The following SVIL variants were observed in gnomAD, a reference collection of about 807,000 sequenced individuals.
SVIL encodes the protein archvillin.
In SVIL, 101 loss-of-function variants were observed where a neutral mutation model predicts 240.4. The ratio of observed to expected loss-of-function variants is 0.42; its 90% CI spans 0.36 to 0.50. The LOEUF (loss-of-function observed/expected upper bound fraction) is 0.50. SVIL is among the 20% of genes least tolerant of loss of function. The pLI, the probability that SVIL is intolerant of heterozygous loss-of-function variation, is 0.01. For synonymous variants in SVIL, 999 were observed against 1,100.0 expected, an observed-to-expected ratio of 0.91 and a Z score of 1.82; for missense variants, 2,512 against 2,818.7, an observed-to-expected ratio of 0.89 and a Z score of 2.46.
At chr10:29,668,731 C>T (rs532490057) in intron 2 of SVIL, among the ~76,000 whole-genome samples, 1 of 152,322 alleles carries the variant, frequency 6.6e-6, no homozygotes, top group South Asian at 2.1e-4. Context: ...ACCTTGGCCT[C>T]CCTGAGGGTT....
At chr10:29,486,008 C>CTCTAA (rs2132377215) in intron 26 of SVIL, 77 bp downstream of exon 26, 1 of 1,552,548 alleles carries the variant, frequency 6.4e-7, no homozygotes, top group Non-Finnish European at 8.8e-7. Flanking sequence ...GGAACTTACT[C>CTCTAA]TCTAATCTAT....
intron 16 of SVIL, among the ~76,000 whole-genome samples, chr10:29,520,675 A>C (rs1426919405): frequency 6.6e-6 from 1 of 152,114 alleles, no homozygotes; most frequent in Admixed American, 6.5e-5. Flanking sequence ...TGGAAGGCTG[A>C]GGTGGGAGGA....
intron 1 of SVIL, among the ~76,000 whole-genome samples, chr10:29,605,427 T>C (rs1956983939): frequency 6.6e-6 from 1 of 152,178 alleles, no homozygotes; most frequent in Admixed American, 6.5e-5. Flanking sequence ...TGCTCTGAGG[T>C]TTCCCAGATA....
intron 1 of SVIL, among the ~76,000 whole-genome samples, chr10:29,624,547 C>CA: frequency 6.6e-6 from 1 of 151,870 alleles, no homozygotes; most frequent in East Asian, 2.0e-4. Context: ...CAAAACAAAA[C>CA]AAAAAACGCC....
Position 29,574,463 on chromosome 10 carries a change from T to C in SVIL, c.-200-5151A>G, listed in dbSNP as rs562336376. Among the ~76,000 whole-genome samples, 98 of 152,198 alleles carry C rather than the reference T, an allele frequency of 6.4e-4. 1 individual carries two copies. Among genetic ancestry groups the C allele is most frequent in the Admixed American group, 3.6e-3 (55 of 15,296 alleles). ...ACCTGAAGGATCTATGAGTGAACCATTGGGATGCTGACACCCCACAGTGAT... is the reference window on the plus strand; with the variant it reads ...ACCTGAAGGATCTATGAGTGAACCACTGGGATGCTGACACCCCACAGTGAT... On this transcript the variant is annotated intron_variant, in intron 1 of 37. Transcript: ENST00000355867.
intron 32 of SVIL, 149 bp downstream of exon 32, chr10:29,470,125 TCA>T: frequency 1.2e-6 from 1 of 836,074 alleles, no homozygotes; most frequent in South Asian, 1.6e-5. Flanking sequence ...GCTCGGAATG[TCA>T]GAGGCCCCTG....
intron 1 of SVIL, among the ~76,000 whole-genome samples, chr10:29,620,703 C>G (rs1172600397): frequency 6.6e-6 from 1 of 152,186 alleles, no homozygotes; most frequent in Non-Finnish European, 1.5e-5. Context: ...ACTGCAAACT[C>G]CACCTCCCGG....
chr10:29,706,007 A>G (rs775195899), intron 1 of SVIL, among the ~76,000 whole-genome samples: 11 of 152,108 alleles, frequency 7.2e-5, no homozygotes, highest in Non-Finnish European at 1.2e-4. Context: ...GTATATACTG[A>G]GCTACTTTTA....
chr10:29,493,444 A>T lies in SVIL; in HGVS notation c.3842-53T>A, dbSNP rs1454204822. 5 of 1,587,642 alleles carry T rather than the reference A, an allele frequency of 3.1e-6. No homozygotes were observed. In the East Asian group the frequency reaches 1.1e-4, roughly 36 times the overall value. On this transcript the variant is annotated intron_variant, in intron 20 of 37. Coordinates refer to ENST00000355867, the MANE Select transcript of SVIL (RefSeq NM_021738.3). ...GAGTTTTATAAAAACAAGGACTCCA[A>T]TTATGCTTCACAATAGTTTAAAAAT... is the stretch of plus-strand genomic sequence containing the variant.
chr10:29,615,186 G>A (rs1040876485), intron 1 of SVIL, among the ~76,000 whole-genome samples: 1 of 151,958 alleles, frequency 6.6e-6, no homozygotes, highest in African/African-American at 2.4e-5. Context: ...CCAAACAATT[G>A]CTATTTTTTA....
In SVIL at chr10:29,490,832, G is replaced by C; in HGVS notation, c.4192+15C>G. The stretch of plus-strand genomic sequence containing the variant: ...TTCCCAAACACAGAAGCAGGGTGGG[G>C]GTTCAAATACTCACTCTTTTCTACT... On this transcript the variant is annotated intron_variant, in intron 22 of 37. Coordinates refer to ENST00000355867, the MANE Select transcript of SVIL (RefSeq NM_021738.3). The C allele has an allele frequency of 2.5e-6, 4 of 1,612,538 alleles. No individual in the cohort carries two copies. Among genetic ancestry groups the C allele is most frequent in the Non-Finnish European group, 3.4e-6 (4 of 1,178,710 alleles).
At chr10:29,556,792 C>A (rs76539765) in intron 3 of SVIL, among the ~76,000 whole-genome samples, 3 of 152,100 alleles carry the variant, frequency 2.0e-5, no homozygotes, top group African/African-American at 7.2e-5. Flanking sequence ...ACAAATTAGC[C>A]CTAGTGGGAT....
At chr10:29,676,547 C>T (rs904396869) in intron 2 of SVIL, among the ~76,000 whole-genome samples, 1 of 152,206 alleles carries the variant, frequency 6.6e-6, no homozygotes, top group African/African-American at 2.4e-5. Flanking sequence ...TGGAACTGCA[C>T]ACAGAGGTTT....
intron 16 of SVIL, among the ~76,000 whole-genome samples, chr10:29,514,928 C>T (rs1020519178): frequency 2.6e-5 from 4 of 152,132 alleles, no homozygotes; most frequent in East Asian, 1.9e-4. Flanking sequence ...AAGAATCCGG[C>T]GACATCTACG....
Position 29,480,625 on chromosome 10 carries a change from G to A in SVIL, c.5289C>T (p.Asp1763=), listed in dbSNP as rs748294162. The A allele has an allele frequency of 3.1e-6, 5 of 1,614,214 alleles. No homozygotes were observed. In the South Asian group the frequency reaches 4.4e-5, roughly 14 times the overall value. Reference sequence around the variant, plus strand: ...TGCTTTGTTTGGGGAGCCTGCTATAGTCGAATTCCAGGATGTGCCAGACAT... The same window carrying A: ...TGCTTTGTTTGGGGAGCCTGCTATAATCGAATTCCAGGATGTGCCAGACAT... The part of the protein sequence containing the change: ...SVDVWHILEF[D]YSRLPKQSIG... The change falls in exon 29 of 38, where the codon GAC becomes GAT. Residue 1763 remains aspartate, a synonymous_variant. Coordinates refer to ENST00000355867, the MANE Select transcript of SVIL (RefSeq NM_021738.3).
chr10:29,603,239 C>T (rs767379670), intron 1 of SVIL, among the ~76,000 whole-genome samples: 69 of 151,682 alleles, frequency 4.5e-4, no homozygotes, highest in Non-Finnish European at 5.9e-5. Context: ...CCTCCCCCCT[C>T]ATCCTCGTAT....
chr10:29,698,828 A>G (rs1962286056), intron 1 of SVIL, among the ~76,000 whole-genome samples: 1 of 152,196 alleles, frequency 6.6e-6, no homozygotes, highest in African/African-American at 2.4e-5. Flanking sequence ...CAAAGTAACA[A>G]TTGCTTAAAG....
rs551192861 is a variant in SVIL at position 29,630,633 on chromosome 10, G to A, written c.-201+3787C>T. ...AATAATGAAGTGACTGACTTCATGCGGCACACCTTAATTTCCCGGTTGGCA... is the reference window on the plus strand; with the variant it reads ...AATAATGAAGTGACTGACTTCATGCAGCACACCTTAATTTCCCGGTTGGCA... On this transcript the variant is annotated intron_variant, in intron 1 of 37. Coordinates refer to ENST00000355867, the MANE Select transcript of SVIL (RefSeq NM_021738.3). Among the ~76,000 whole-genome samples the A allele has an allele frequency of 5.9e-5, 9 of 151,962 alleles. 1 individual carries two copies. Among genetic ancestry groups the A allele is most frequent in the Admixed American group, 2.0e-4 (3 of 15,254 alleles).
At chr10:29,624,044 CAT>C (rs796250059) in intron 1 of SVIL, among the ~76,000 whole-genome samples, 66 of 151,856 alleles carry the variant, frequency 4.3e-4, no homozygotes, top group African/African-American at 1.5e-3. Context: ...TGTTAAGCAA[CAT>C]ATGACTAATC....
Sources: gnomAD v4.1 joint callset for allele counts (sites outside exome capture counted in the v4.1 genomes callset) on GRCh38, gnomAD v4.1.1 for gene constraint, MANE v1.5 for transcripts, NCBI Gene and HGNC (gene_info 2026-07-23, HGNC 2026-07-21) for gene names.